The following NALF1 variants were observed in gnomAD, a reference collection of about 807,000 sequenced individuals.
NALF1 encodes family with sequence similarity 155 member A.
Under a neutral mutation model 48.4 loss-of-function variants are expected in NALF1, and 3 were observed. The observed-to-expected ratio is 0.06, with a 90% CI of 0.03 to 0.16. The LOEUF is 0.16. Among genes scored for constraint, NALF1 ranks in the 10% least tolerant of loss-of-function variants. NALF1 has a pLI of 1.00. For missense variants in NALF1, 526 were observed against 571.5 expected, an observed-to-expected ratio of 0.92 and a Z score of 0.81; for synonymous variants, 262 against 245.7, an observed-to-expected ratio of 1.07 and a Z score of -0.62.
chr13:107,257,784 G>A (rs1255547780), intron 1 of NALF1, among the ~76,000 whole-genome samples: 1 of 152,136 alleles, frequency 6.6e-6, no homozygotes, highest in Non-Finnish European at 1.5e-5. Context: ...ATGGTGGTGG[G>A]AGGTAGGGGA....
intron 1 of NALF1, among the ~76,000 whole-genome samples, chr13:107,417,658 G>C (rs1222874995): frequency 6.6e-6 from 1 of 152,130 alleles, no homozygotes; most frequent in Non-Finnish European, 1.5e-5. Flanking sequence ...TCCAGTCCTT[G>C]TCTTCCTTCC....
At chr13:107,709,754 A>T (rs1045583898) in intron 1 of NALF1, among the ~76,000 whole-genome samples, 2 of 152,226 alleles carry the variant, frequency 1.3e-5, no homozygotes, top group Non-Finnish European at 2.9e-5. Flanking sequence ...CTAAATATTC[A>T]ACAAACCTTT....
intron 1 of NALF1, among the ~76,000 whole-genome samples, chr13:107,478,663 A>T (rs979207907): frequency 6.6e-6 from 1 of 152,108 alleles, no homozygotes; most frequent in African/African-American, 2.4e-5. Flanking sequence ...CTGGTTTTCC[A>T]TTCTGTGTTT....
chr13:107,839,751 G>T (rs1214570319), intron 1 of NALF1, among the ~76,000 whole-genome samples: 1 of 151,822 alleles, frequency 6.6e-6, no homozygotes, highest in Non-Finnish European at 1.5e-5. Context: ...AAAACATTTG[G>T]GAGACAAGGA....
chr13:107,225,762 A>G (rs1880088859), intron 1 of NALF1, among the ~76,000 whole-genome samples: 1 of 152,188 alleles, frequency 6.6e-6, no homozygotes, highest in East Asian at 1.9e-4. Flanking sequence ...TGAACACACA[A>G]ACCAAAGGAG....
intron 1 of NALF1, among the ~76,000 whole-genome samples, chr13:107,557,024 T>G (rs1389198301): frequency 6.6e-6 from 1 of 152,240 alleles, no homozygotes; most frequent in East Asian, 1.9e-4. Context: ...TGTTGGGTTA[T>G]GATTTAGTGT....
chr13:107,227,327 T>C (rs1880126807), intron 1 of NALF1, among the ~76,000 whole-genome samples: 1 of 152,232 alleles, frequency 6.6e-6, no homozygotes, highest in Non-Finnish European at 1.5e-5. Flanking sequence ...GCATTGAGTG[T>C]GCCTATATCT....
chr13:107,590,026 G>GGTTGGC (rs1878562740), intron 1 of NALF1, among the ~76,000 whole-genome samples: 1 of 151,894 alleles, frequency 6.6e-6, no homozygotes, highest in African/African-American at 2.4e-5. Flanking sequence ...ACTTGTTCTT[G>GGTTGGC]GTTGGCAGGA....
rs778729868 is a variant in NALF1, at chr13:107,682,296, G to T, written c.915+183386C>A. On this transcript the variant is annotated intron_variant, in intron 1 of 2. Coordinates refer to ENST00000375915, the MANE Select transcript of NALF1 (RefSeq NM_001080396.3). ...GAAAACAGCCAGCAACTGTGATGGC[G>T]ATGTCATCTATAAGGAGGAATCTGC... Among the ~76,000 whole-genome samples, 5 of 152,278 alleles carry T rather than the reference G, an allele frequency of 3.3e-5. No individual in the cohort carries two copies. The South Asian group carries it at 6.2e-4, about 19-fold the overall frequency.
chr13:107,659,007 G>A (rs1480698810), intron 1 of NALF1, among the ~76,000 whole-genome samples: 32 of 151,600 alleles, frequency 2.1e-4, no homozygotes, highest in Admixed American at 2.1e-3. Flanking sequence ...ACTACTTCTA[G>A]TTACCCATGT....
intron 1 of NALF1, among the ~76,000 whole-genome samples, chr13:107,656,240 AT>A (rs1880571319): frequency 6.6e-6 from 1 of 152,118 alleles, no homozygotes; most frequent in African/African-American, 2.4e-5. Flanking sequence ...GTGGGAAAAA[AT>A]CTTCACAATC....
chr13:107,800,435 A>G (rs1196783935), intron 1 of NALF1, among the ~76,000 whole-genome samples: 1 of 151,738 alleles, frequency 6.6e-6, no homozygotes, highest in African/African-American at 2.4e-5. Flanking sequence ...AGTAAACTAC[A>G]CTAAGTTTAA....
intron 1 of NALF1, among the ~76,000 whole-genome samples, chr13:107,375,877 C>T (rs943171530): frequency 1.3e-5 from 2 of 151,934 alleles, no homozygotes; most frequent in Non-Finnish European, 2.9e-5. Flanking sequence ...CCAAAGTGAC[C>T]TGATGCCCCC....
intron 1 of NALF1, among the ~76,000 whole-genome samples, chr13:107,597,296 G>A (rs143509762): frequency 2.6e-5 from 4 of 151,974 alleles, no homozygotes; most frequent in South Asian, 2.1e-4. Context: ...ATGTGTACTC[G>A]CACACGTACA....
intron 1 of NALF1, among the ~76,000 whole-genome samples, chr13:107,320,275 C>T (rs192672139): frequency 4.6e-5 from 7 of 152,140 alleles, no homozygotes; most frequent in Non-Finnish European, 8.8e-5. Flanking sequence ...AAAAACACCC[C>T]ATCAAAAGCC....
intron 1 of NALF1, among the ~76,000 whole-genome samples, chr13:107,824,860 T>C (rs937611187): frequency 2.0e-5 from 3 of 152,218 alleles, no homozygotes; most frequent in Non-Finnish European, 4.4e-5. Flanking sequence ...TTTGCACCAC[T>C]GCTCTTACGA....
intron 1 of NALF1, among the ~76,000 whole-genome samples, chr13:107,472,001 T>C (rs777460720): frequency 1.1e-4 from 16 of 152,188 alleles, no homozygotes; most frequent in Non-Finnish European, 2.4e-4. Context: ...CTGTGATTCA[T>C]CTAGTGCTAA....
chr13:107,547,919 C>T (rs1294570440), intron 1 of NALF1, among the ~76,000 whole-genome samples: 1 of 152,120 alleles, frequency 6.6e-6, no homozygotes, highest in Non-Finnish European at 1.5e-5. Flanking sequence ...AGTGAACACT[C>T]TATTAGGAAA....
intron 1 of NALF1, among the ~76,000 whole-genome samples, chr13:107,344,784 A>G (rs1661139103): frequency 6.6e-6 from 1 of 152,042 alleles, no homozygotes; most frequent in South Asian, 2.1e-4. Context: ...AAGAATGCCC[A>G]CTCTTACCAC....
Sources: gnomAD v4.1 joint callset for allele counts (sites outside exome capture counted in the v4.1 genomes callset) on GRCh38, gnomAD v4.1.1 for gene constraint, MANE v1.5 for transcripts, NCBI Gene and HGNC (gene_info 2026-07-23, HGNC 2026-07-21) for gene names.